COL5A1: variants seen among roughly 807,000 people sequenced by gnomAD.
The protein encoded by COL5A1 is collagen type V alpha 1 chain.
A neutral mutation model predicts 263.7 loss-of-function variants in COL5A1; 16 were observed. The ratio of observed to expected loss-of-function variants is 0.06; its 90% CI spans 0.04 to 0.09. COL5A1 has a LOEUF of 0.09. COL5A1 is among the 10% of genes least tolerant of loss of function. The pLI is 1.00. For synonymous variants in COL5A1, 1,012 were observed against 1,004.5 expected, an observed-to-expected ratio of 1.01 and a Z score of -0.14; for missense variants, 2,036 against 2,540.5, an observed-to-expected ratio of 0.80 and a Z score of 4.27.
chr9:134,763,019 C>G (rs942925378), intron 19 of COL5A1, among the ~76,000 whole-genome samples: 1 of 152,032 alleles, frequency 6.6e-6, no homozygotes, highest in African/African-American at 2.4e-5. Context: ...TATGCATGTG[C>G]ATGCACAGGG....
At chr9:134,838,482 C>T (rs372793857) in intron 65 of COL5A1, among the ~76,000 whole-genome samples, 32 of 152,342 alleles carry the variant, frequency 2.1e-4, no homozygotes, top group African/African-American at 6.5e-4. Context: ...CCAAGTGCAG[C>T]TGCCGTCCAG....
rs1046944289 is a variant in COL5A1, at chr9:134,812,952, A to C, written c.3852+240A>C. Among the ~76,000 whole-genome samples the C allele has an allele frequency of 5.9e-5, 9 of 152,058 alleles. 1 individual carries two copies. The highest frequency in any genetic ancestry group is 2.2e-4 in the African/African-American group (9 of 41,396). ...ATGTAGGCAGATGCTTGTGAAATGG[A>C]ACTGGGAACTCTGACTGTCCATTTG... is the stretch of plus-strand genomic sequence containing the variant. On this transcript the variant is annotated intron_variant, in intron 48 of 65. Coordinates refer to ENST00000371817, the MANE Select transcript of COL5A1 (RefSeq NM_000093.5).
At position 134,807,219 on chromosome 9, in the gene COL5A1, C is replaced by T. The variant is rs961274344; in HGVS notation, c.3366+923C>T. Reference sequence around the variant, plus strand: ...AGGGTCAGAATGAGCTTGAGTTCTCCAGGGGAATTGGCAGATAATCGGTGC... The same window carrying T: ...AGGGTCAGAATGAGCTTGAGTTCTCTAGGGGAATTGGCAGATAATCGGTGC... On this transcript the variant is annotated intron_variant, in intron 42 of 65. Transcript: ENST00000371817. Among the ~76,000 whole-genome samples, 5 of 152,218 alleles carry T rather than the reference C, an allele frequency of 3.3e-5. No individual in the cohort carries two copies. In the East Asian group the frequency reaches 7.7e-4, roughly 23 times the overall value.
rs376936600 is a variant in COL5A1 at position 134,784,955 on chromosome 9, G to GGGGGCA, written c.2485-34_2485-33insGGGGCA. 0.069 allele frequency: 103,923 copies of GGGGGCA among 1,500,380 alleles called. 3,945 individuals carry two copies. The highest frequency in any genetic ancestry group is 0.11 in the African/African-American group (8,169 of 72,174). 92.9% of individuals were successfully genotyped at this position (1,500,380 alleles called of 1,614,324 possible). On this transcript the variant is annotated intron_variant, in intron 29 of 65. Transcript: ENST00000371817. ...GTGGAGAATAGTGTGTGTGCGGGGG[G>GGGGGCA]TGGTCTTCTCACCTCCTCTTTTCTG... is the stretch of plus-strand genomic sequence containing the variant.
chr9:134,775,886 G>T (rs528209168), intron 27 of COL5A1, among the ~76,000 whole-genome samples: 2 of 152,158 alleles, frequency 1.3e-5, no homozygotes, highest in African/African-American at 2.4e-5. Flanking sequence ...GTGTGTGGCC[G>T]CCCTGGGGCA....
At position 134,732,190 on chromosome 9, in the gene COL5A1, G is replaced by T; in HGVS notation, c.1389+63G>T. 5 of 1,566,648 alleles carry T rather than the reference G, an allele frequency of 3.2e-6. 1 individual carries two copies. The South Asian group carries it at 5.6e-5, about 17-fold the overall frequency. On this transcript the variant is annotated intron_variant, in intron 9 of 65. Transcript: ENST00000371817. ...GTCCGCTGCTCGGGGTCACAGCGGGGTGTGTAGGGTGTGAACAGGTCCGTG... is the reference window on the plus strand; with the variant it reads ...GTCCGCTGCTCGGGGTCACAGCGGGTTGTGTAGGGTGTGAACAGGTCCGTG...
chr9:134,690,263 C>T (rs774695238), intron 1 of COL5A1, among the ~76,000 whole-genome samples: 11 of 152,172 alleles, frequency 7.2e-5, no homozygotes, highest in African/African-American at 9.6e-5. Context: ...ACTGCACACC[C>T]GCTGTAAACG....
intron 44 of COL5A1, 90 bp downstream of exon 44, chr9:134,810,398 C>A (rs1838477220): frequency 1.6e-6 from 2 of 1,281,482 alleles, no homozygotes; most frequent in Non-Finnish European, 2.2e-6. Context: ...ACGTTCTCTT[C>A]CAACGTTGCT....
At position 134,765,908 on chromosome 9, in the gene COL5A1, C is replaced by T. The variant is rs866898609; in HGVS notation, c.2088+174C>T. Among the ~76,000 whole-genome samples, 1 of 152,246 alleles carries T rather than the reference C, an allele frequency of 6.6e-6. No homozygotes were observed. The highest frequency in any genetic ancestry group is 1.5e-5 in the Non-Finnish European group (1 of 68,034). On this transcript the variant is annotated intron_variant, in intron 21 of 65. Transcript: ENST00000371817. This position sits in a 1 kb window ranked among gnomAD's most constrained non-coding sequence, Gnocchi z 5.1. ...CACTGATGTTCAGACGCTGTAGACA[C>T]GGCCCCAGCAGGTGTGGCCTTGCAG...
Position 134,727,306 on chromosome 9 carries a change from C to T in COL5A1, c.695C>T (p.Ala232Val), listed in dbSNP as rs1834699128. The T allele has an allele frequency of 6.2e-7, 1 of 1,614,088 alleles. No homozygotes were observed. The highest frequency in any genetic ancestry group is 8.5e-7 in the Non-Finnish European group (1 of 1,179,988). The part of the protein sequence containing the change: ...QQLLFVSDHR[A>V]AYDYCEHYSP... ...CTGCTCTTTGTCTCGGACCACCGGG[C>T]AGCTTATGATTACTGTGAGCACTAC... Residue 232 changes from alanine (A) to valine (V), a missense_variant, in exon 5 of 66, where the codon GCA becomes GTA. By Grantham distance (64) the Ala-to-Val change is moderately conservative. Around this residue, in one of 3 missense-constraint regions of COL5A1, gnomAD observed 600 missense variants for 634.5 expected, o/e 0.95. Coordinates refer to ENST00000371817, the MANE Select transcript of COL5A1 (RefSeq NM_000093.5).
chr9:134,770,713 C>G (rs901306690), intron 25 of COL5A1, among the ~76,000 whole-genome samples: 8 of 152,144 alleles, frequency 5.3e-5, no homozygotes, highest in Non-Finnish European at 1.2e-4. Flanking sequence ...CAGAAAATAT[C>G]AAATACAAAT....
At chr9:134,709,995 C>T (rs79566977) in intron 4 of COL5A1, among the ~76,000 whole-genome samples, 3,706 of 152,248 alleles carry the variant, frequency 0.024, 76 homozygotes, top group Non-Finnish European at 0.038. Flanking sequence ...TGCCCTCACA[C>T]GGCTGACGGG....
At chr9:134,740,705 TG>T (rs1218107521) in intron 11 of COL5A1, among the ~76,000 whole-genome samples, 2 of 151,932 alleles carry the variant, frequency 1.3e-5, no homozygotes, top group Admixed American at 1.3e-4. Flanking sequence ...CACCTCACCA[TG>T]CGGTCCCTGC....
intron 4 of COL5A1, among the ~76,000 whole-genome samples, chr9:134,712,895 C>CGTA (rs1299385015): frequency 3.3e-5 from 5 of 152,002 alleles, no homozygotes; most frequent in Non-Finnish European, 2.9e-5. Context: ...CAGCCCATAC[C>CGTA]CATCCTGGCT....
intron 11 of COL5A1, 21 bp from the exon 12 acceptor site, chr9:134,750,521 C>T (rs1467606449): frequency 6.2e-7 from 1 of 1,612,178 alleles, no homozygotes; most frequent in Non-Finnish European, 8.5e-7. Context: ...TGACTTGTCT[C>T]TCTTGGCCCC....
At chr9:134,770,538 A>G (rs1178393353) in intron 25 of COL5A1, among the ~76,000 whole-genome samples, 1 of 152,238 alleles carries the variant, frequency 6.6e-6, no homozygotes, top group Non-Finnish European at 1.5e-5. Flanking sequence ...ATATTAAATT[A>G]AAAATAGATC....
At position 134,755,212 on chromosome 9, in the gene COL5A1, C is replaced by T. The variant is rs187959838; in HGVS notation, c.1827+886C>T. Among the ~76,000 whole-genome samples, 41 of 152,250 alleles carry T rather than the reference C, an allele frequency of 2.7e-4. No homozygotes were observed. Among genetic ancestry groups the T allele is most frequent in the Non-Finnish European group, 4.4e-4 (30 of 68,030 alleles). ...CCAGGAGGATTAGCAGCTCTGGAAT[C>T]GACTCTTGGTAGACAATTGGGCCAT... is the stretch of plus-strand genomic sequence containing the variant. On this transcript the variant is annotated intron_variant, in intron 16 of 65. Coordinates refer to ENST00000371817, the MANE Select transcript of COL5A1 (RefSeq NM_000093.5). The surrounding 1 kb of genome is among the most constrained non-coding windows in gnomAD (Gnocchi z 4.1).
intron 38 of COL5A1, among the ~76,000 whole-genome samples, chr9:134,802,316 C>G (rs1838144153): frequency 1.3e-5 from 2 of 152,194 alleles, no homozygotes; most frequent in African/African-American, 4.8e-5. Flanking sequence ...GTGTCCAAGG[C>G]AGCCGAGTCC....
chr9:134,708,421 G>GC (rs1038594128), intron 4 of COL5A1: 70 of 408,190 alleles, frequency 1.7e-4, no homozygotes, highest in African/African-American at 9.1e-4. Flanking sequence ...GCAACTCCCG[G>GC]GGTGGGGGCT....
Sources: gnomAD v4.1 joint callset for allele counts (sites outside exome capture counted in the v4.1 genomes callset) on GRCh38, gnomAD v4.1.1 for gene constraint, gnomAD v4.1.1 regional missense constraint, Gnocchi (gnomAD v3.1) non-coding constraint, MANE v1.5 for transcripts, NCBI Gene and HGNC (gene_info 2026-07-23, HGNC 2026-07-21) for gene names.